Variants in LHFPL6 observed in about 807,000 individuals in gnomAD.
The protein encoded by LHFPL6 is LHFPL tetraspan subfamily member 6.
A neutral mutation model predicts 20.6 loss-of-function variants in LHFPL6; 9 were observed. The observed-to-expected ratio is 0.44, with a 90% CI of 0.26 to 0.76. The LOEUF (loss-of-function observed/expected upper bound fraction) is 0.76, where lower values mean the gene tolerates loss of function less well. LHFPL6 is among the 30% of genes least tolerant of loss of function. The pLI, the probability that LHFPL6 is intolerant of heterozygous loss-of-function variation, is 0.20. For missense variants in LHFPL6, 218 were observed against 253.5 expected (o/e 0.86, Z 0.95); for synonymous variants, 105 against 98.7 (o/e 1.06, Z -0.38).
At chr13:39,458,693 T>TA (rs60626867) in intron 2 of LHFPL6, among the ~76,000 whole-genome samples, 20,060 of 97,432 alleles carry the variant, frequency 0.21, 2,871 homozygotes, top group East Asian at 0.54. Context: ...ATACCCTGCC[T>TA]AAAAAAAAAA....
At chr13:39,375,119 GT>G in intron 3 of LHFPL6, among the ~76,000 whole-genome samples, 1 of 152,332 alleles carries the variant, frequency 6.6e-6, no homozygotes, top group Middle Eastern at 3.4e-3. Flanking sequence ...GGAGGAAGAT[GT>G]GTCTACGTGC....
intron 2 of LHFPL6, among the ~76,000 whole-genome samples, chr13:39,556,300 G>A (rs1871302142): frequency 6.6e-6 from 1 of 152,146 alleles, no homozygotes; most frequent in Non-Finnish European, 1.5e-5. Flanking sequence ...GGAGTTTGGA[G>A]GTCAAAGAAG....
chr13:39,468,366 G>C (rs149988716), intron 2 of LHFPL6, among the ~76,000 whole-genome samples: 60 of 151,650 alleles, frequency 4.0e-4, no homozygotes, highest in Non-Finnish European at 7.5e-4. Context: ...ATTTTTCCTG[G>C]CTTTAATCAT....
At chr13:39,521,695 T>C (rs1870111304) in intron 2 of LHFPL6, among the ~76,000 whole-genome samples, 1 of 152,224 alleles carries the variant, frequency 6.6e-6, no homozygotes, top group Non-Finnish European at 1.5e-5. Context: ...AAGTAAAATG[T>C]AGTCACGATA....
intron 2 of LHFPL6, among the ~76,000 whole-genome samples, chr13:39,455,575 C>T (rs1010304673): frequency 1.3e-5 from 2 of 152,218 alleles, no homozygotes; most frequent in Non-Finnish European, 2.9e-5. Context: ...ATGCTTAGTG[C>T]AGCACCAATG....
chr13:39,538,454 T>C (rs1388521835), intron 2 of LHFPL6, among the ~76,000 whole-genome samples: 1 of 148,296 alleles, frequency 6.7e-6, no homozygotes, highest in Non-Finnish European at 1.5e-5. Flanking sequence ...TAACTTCCAG[T>C]TTAAGTAAAT....
intron 2 of LHFPL6, among the ~76,000 whole-genome samples, chr13:39,534,521 C>T (rs1870559574): frequency 6.6e-6 from 1 of 152,068 alleles, no homozygotes; most frequent in Non-Finnish European, 1.5e-5. Context: ...TTAATATTCC[C>T]AAATCTCAAA....
intron 2 of LHFPL6, among the ~76,000 whole-genome samples, chr13:39,441,823 CTTTTTTTTTTTT>C (rs1168860757): frequency 1.8e-5 from 2 of 110,078 alleles, no homozygotes; most frequent in Admixed American, 1.0e-4. Flanking sequence ...TGGGCTAAAA[CTTTTTTTTTTTT>C]TTTTTTTTTT....
chr13:39,530,324 G>A (rs1051868847), intron 2 of LHFPL6, among the ~76,000 whole-genome samples: 1 of 151,718 alleles, frequency 6.6e-6, no homozygotes, highest in Admixed American at 6.6e-5. Context: ...AAGATGCCCA[G>A]ATCCCATTCC....
At chr13:39,391,989 A>G (rs1870719299) in intron 2 of LHFPL6, among the ~76,000 whole-genome samples, 1 of 152,200 alleles carries the variant, frequency 6.6e-6, no homozygotes, top group African/African-American at 2.4e-5. Context: ...AATGTCAAGG[A>G]TAACTGCAAC....
chr13:39,482,077 T>C (rs889965734), intron 2 of LHFPL6, among the ~76,000 whole-genome samples: 1 of 152,188 alleles, frequency 6.6e-6, no homozygotes, highest in Admixed American at 6.5e-5. Context: ...GTAAAGAGGA[T>C]AGGATTGGTG....
chr13:39,429,709 C>T (rs1205511523), intron 2 of LHFPL6, among the ~76,000 whole-genome samples: 1 of 152,174 alleles, frequency 6.6e-6, no homozygotes, highest in East Asian at 1.9e-4. Flanking sequence ...TATACACTCA[C>T]AGTCTCCAAA....
At chr13:39,539,468 G>A (rs1397930252) in intron 2 of LHFPL6, among the ~76,000 whole-genome samples, 3 of 152,176 alleles carry the variant, frequency 2.0e-5, no homozygotes, top group South Asian at 2.1e-4. Context: ...ATAAGTGGAC[G>A]ATTGGGCCCT....
intron 2 of LHFPL6, among the ~76,000 whole-genome samples, chr13:39,398,594 T>C (rs963437405): frequency 6.6e-6 from 1 of 152,174 alleles, no homozygotes; most frequent in African/African-American, 2.4e-5. Flanking sequence ...GTTTGCCTTC[T>C]TGGATATTGT....
intron 2 of LHFPL6, among the ~76,000 whole-genome samples, chr13:39,482,536 T>C (rs1237485585): frequency 2.6e-5 from 4 of 152,022 alleles, no homozygotes; most frequent in Admixed American, 2.6e-4. Flanking sequence ...AAGAAACTGA[T>C]TGGCATAATG....
intron 2 of LHFPL6, among the ~76,000 whole-genome samples, chr13:39,482,751 C>T (rs1002182906): frequency 6.6e-6 from 1 of 152,070 alleles, no homozygotes; most frequent in African/African-American, 2.4e-5. Flanking sequence ...GAAGCACAGA[C>T]AGCAAATAAG....
intron 2 of LHFPL6, among the ~76,000 whole-genome samples, chr13:39,553,540 C>T (rs900897726): frequency 1.3e-5 from 2 of 152,056 alleles, no homozygotes; most frequent in African/African-American, 4.8e-5. Context: ...AGTGAGACTT[C>T]ATCTCTACAA....
intron 2 of LHFPL6, among the ~76,000 whole-genome samples, chr13:39,562,529 C>T (rs201342518): frequency 7.3e-4 from 85 of 116,454 alleles, no homozygotes; most frequent in Non-Finnish European, 1.1e-3. Flanking sequence ...TACACATATA[C>T]ACATATATAC....
intron 2 of LHFPL6, among the ~76,000 whole-genome samples, chr13:39,495,252 A>G (rs2138457798): frequency 6.6e-6 from 1 of 152,282 alleles, no homozygotes; most frequent in African/African-American, 2.4e-5. Context: ...AAATTAATGA[A>G]TCTATTCAGA....
Sources: allele counts gnomAD v4.1 joint callset (sites outside exome capture counted in the v4.1 genomes callset), GRCh38; gene constraint gnomAD v4.1.1; transcripts MANE v1.5; gene names NCBI Gene and HGNC (gene_info 2026-07-23, HGNC 2026-07-21).